The following CCDC60 variants were observed in gnomAD, a reference collection of about 807,000 sequenced individuals.
CCDC60 encodes the protein coiled-coil domain-containing protein 60.
Under a neutral mutation model 63.5 loss-of-function variants are expected in CCDC60, and 54 were observed. The ratio of observed to expected loss-of-function variants is 0.85; its 90% CI spans 0.68 to 1.07. CCDC60 has a LOEUF of 1.07. CCDC60 is among the 50% of genes least tolerant of loss of function. The pLI, the probability that CCDC60 is intolerant of heterozygous loss-of-function variation, is 0.00. For synonymous variants in CCDC60, 206 were observed against 238.8 expected (o/e 0.86, Z 1.27); for missense variants, 651 against 684.3 (o/e 0.95, Z 0.54).
intron 2 of CCDC60, among the ~76,000 whole-genome samples, chr12:119,434,797 A>G (rs1372278871): frequency 6.6e-6 from 1 of 151,180 alleles, no homozygotes; most frequent in Non-Finnish European, 1.5e-5. Flanking sequence ...GAGAGAGGAT[A>G]AGAGAGACAA....
At chr12:119,437,965 A>C (rs1950360090) in intron 2 of CCDC60, among the ~76,000 whole-genome samples, 1 of 152,192 alleles carries the variant, frequency 6.6e-6, no homozygotes, top group Admixed American at 6.5e-5. Context: ...TTGTCCCATA[A>C]GGACAAACAC....
chr12:119,432,231 G>A (rs1283163031), intron 2 of CCDC60, among the ~76,000 whole-genome samples: 1 of 152,186 alleles, frequency 6.6e-6, no homozygotes, highest in Admixed American at 6.5e-5. Flanking sequence ...AAGAAGCCAA[G>A]AGCCATCTGA....
At chr12:119,463,619 A>G (rs120823) in intron 2 of CCDC60, among the ~76,000 whole-genome samples, 61,781 of 152,230 alleles carry the variant, frequency 0.41, 12,728 homozygotes, top group East Asian at 0.47. Context: ...GGTAAGAAGC[A>G]CTAAGGTCTA....
intron 11 of CCDC60, 33 bp downstream of exon 11, chr12:119,523,851 A>G (rs1952601956): frequency 1.9e-6 from 3 of 1,609,374 alleles, no homozygotes; most frequent in South Asian, 1.1e-5. Context: ...TCATTCAAAC[A>G]GCATTCACTG....
intron 1 of CCDC60, among the ~76,000 whole-genome samples, chr12:119,377,423 T>TA (rs1298308584): frequency 3.3e-5 from 5 of 152,174 alleles, no homozygotes; most frequent in Admixed American, 3.3e-4. Flanking sequence ...GTTTTCTTTT[T>TA]ATTCTCAGTG....
intron 1 of CCDC60, among the ~76,000 whole-genome samples, chr12:119,353,585 T>C (rs1486260226): frequency 7.6e-6 from 1 of 132,078 alleles, no homozygotes; most frequent in African/African-American, 2.7e-5. Context: ...CTCTCCTTCT[T>C]CTTCTTCTTC....
At chr12:119,496,398 G>C (rs540539086) in intron 5 of CCDC60, among the ~76,000 whole-genome samples, 3 of 152,276 alleles carry the variant, frequency 2.0e-5, no homozygotes, top group Admixed American at 6.5e-5. Context: ...AGTGCTCAGC[G>C]CCCTATTCCC....
At chr12:119,397,080 G>C (rs183790035) in intron 1 of CCDC60, among the ~76,000 whole-genome samples, 1 of 151,534 alleles carries the variant, frequency 6.6e-6, no homozygotes, top group African/African-American at 2.4e-5. Flanking sequence ...GGAGTTGTTC[G>C]TTCCTCCCCT....
At chr12:119,355,533 C>T (rs1183094774) in intron 1 of CCDC60, among the ~76,000 whole-genome samples, 1 of 152,216 alleles carries the variant, frequency 6.6e-6, no homozygotes, top group African/African-American at 2.4e-5. Flanking sequence ...TGTACTGACG[C>T]AGGGCAGACG....
intron 4 of CCDC60, among the ~76,000 whole-genome samples, chr12:119,481,393 G>A (rs544423138): frequency 1.3e-4 from 20 of 152,204 alleles, no homozygotes; most frequent in East Asian, 9.7e-4. Flanking sequence ...CATCTGAATC[G>A]TCTGGGGGTG....
In CCDC60 at chr12:119,349,129, T is replaced by C. The variant is rs1444993609; in HGVS notation, c.90+13863T>C. Among the ~76,000 whole-genome samples the C allele has an allele frequency of 2.6e-5, 4 of 152,264 alleles. No homozygotes were observed. In the East Asian group the frequency reaches 5.8e-4, roughly 22 times the overall value. On this transcript the variant is annotated intron_variant, in intron 1 of 13. Transcript: ENST00000327554. ...CATCCATCATTTTTAACCATTATGC[T>C]GTATTTCTCAACAAGGTAAACTTGA...
intron 1 of CCDC60, among the ~76,000 whole-genome samples, chr12:119,399,403 A>G (rs1956346444): frequency 6.6e-6 from 1 of 152,188 alleles, no homozygotes; most frequent in African/African-American, 2.4e-5. Context: ...CCAGGGATTA[A>G]GGGACCTTTA....
intron 9 of CCDC60, among the ~76,000 whole-genome samples, chr12:119,522,228 G>C (rs1952550024): frequency 6.6e-6 from 1 of 152,218 alleles, no homozygotes; most frequent in Non-Finnish European, 1.5e-5. Context: ...CAATGGTGCT[G>C]AAAGCCCAAG....
chr12:119,353,500 GTCTC>G (rs1012260271), intron 1 of CCDC60, among the ~76,000 whole-genome samples: 1 of 116,722 alleles, frequency 8.6e-6, no homozygotes, highest in Non-Finnish European at 1.8e-5. Flanking sequence ...CTGTCTCTCT[GTCTC>G]TCTGTCTGTA....
chr12:119,444,772 C>T (rs1178182245), intron 2 of CCDC60, among the ~76,000 whole-genome samples: 1 of 152,172 alleles, frequency 6.6e-6, no homozygotes, highest in African/African-American at 2.4e-5. Flanking sequence ...AAATACCTTC[C>T]CCCGGACAAC....
intron 5 of CCDC60, among the ~76,000 whole-genome samples, chr12:119,492,344 G>A (rs756224210): frequency 3.2e-4 from 48 of 152,214 alleles, no homozygotes; most frequent in Non-Finnish European, 5.6e-4. Flanking sequence ...TGGTATCACC[G>A]AACTTGGAGT....
chr12:119,463,444 G>A (rs2136309180), intron 2 of CCDC60, among the ~76,000 whole-genome samples: 1 of 152,348 alleles, frequency 6.6e-6, no homozygotes, highest in African/African-American at 2.4e-5. Flanking sequence ...CCTCAGCTCT[G>A]CTTCTTTCCA....
intron 1 of CCDC60, among the ~76,000 whole-genome samples, chr12:119,401,601 G>T (rs1230949364): frequency 6.6e-6 from 1 of 152,158 alleles, no homozygotes; most frequent in Non-Finnish European, 1.5e-5. Context: ...CTAAGGTGTT[G>T]GCAGATAATT....
chr12:119,367,455 T>C (rs1311209427), intron 1 of CCDC60, among the ~76,000 whole-genome samples: 1 of 152,186 alleles, frequency 6.6e-6, no homozygotes, highest in East Asian at 1.9e-4. Flanking sequence ...AACTCTGCAT[T>C]TGAAATATTA....
Sources: allele counts gnomAD v4.1 joint callset (sites outside exome capture counted in the v4.1 genomes callset), GRCh38; gene constraint gnomAD v4.1.1; transcripts MANE v1.5; gene names NCBI Gene and HGNC (gene_info 2026-07-23, HGNC 2026-07-21).